Variants in R3HCC1L observed in about 807,000 individuals in gnomAD.
R3HCC1L encodes the protein coiled-coil domain-containing protein R3HCC1L.
In R3HCC1L, 51 loss-of-function variants were observed where a neutral mutation model predicts 59.9. That is an observed-to-expected ratio of 0.85 (90% CI 0.68 to 1.07). R3HCC1L has a LOEUF of 1.07. Ranked by LOEUF, R3HCC1L falls within the 50% of genes least tolerant of loss-of-function variation. R3HCC1L has a pLI of 0.00. For synonymous variants in R3HCC1L, 322 were observed against 315.2 expected (o/e 1.02, Z -0.23); for missense variants, 965 against 933.0 (o/e 1.03, Z -0.45).
rs1486139724 is a variant in R3HCC1L, at chr10:98,209,783, A to G, written c.1669A>G (p.Ile557Val). Residue 557 changes from isoleucine (I) to valine (V), a missense_variant, in exon 5 of 10, where the codon ATC becomes GTC. Physicochemically the swap from Ile to Val is conservative, Grantham distance 29. Transcript: ENST00000298999. ...GGAATCATCATCTATGGAAACATCC[A>G]TCGAACCAAAAGCAACTGAAACTTC... ...DRESSSMETS[I>V]EPKATETSHT... 4.3e-6 allele frequency: 7 copies of G among 1,613,808 alleles called. No homozygotes were observed. The highest frequency in any genetic ancestry group is 1.7e-5 in the Admixed American group (1 of 59,986).
rs552765019 is a variant in R3HCC1L at position 98,174,621 on chromosome 10, A to G, written c.-15+11224A>G. ...CACAACTCATTTAGGAGGGCGTTAGACATTATCAAGGAGGGCATTTCAGAA... is the reference window on the plus strand; with the variant it reads ...CACAACTCATTTAGGAGGGCGTTAGGCATTATCAAGGAGGGCATTTCAGAA... On this transcript the variant is annotated intron_variant, in intron 4 of 9. Coordinates refer to ENST00000298999, the MANE Select transcript of R3HCC1L (RefSeq NM_001351015.2). The G allele has an allele frequency of 2.5e-3, 2,476 of 985,374 alleles. 1 individual carries two copies. Among genetic ancestry groups the G allele is most frequent in the Non-Finnish European group, 2.8e-3 (2,325 of 829,862 alleles). 61.0% of individuals were successfully genotyped at this position (985,374 alleles called of 1,614,324 possible).
intron 5 of R3HCC1L, among the ~76,000 whole-genome samples, chr10:98,226,068 G>T (rs776693638): frequency 6.6e-6 from 1 of 152,030 alleles, no homozygotes; most frequent in Non-Finnish European, 1.5e-5. Context: ...GGCTGGTCTT[G>T]AACTCAAGCA....
intron 4 of R3HCC1L, among the ~76,000 whole-genome samples, chr10:98,182,792 G>GT (rs1379687337): frequency 6.6e-6 from 1 of 152,150 alleles, no homozygotes; most frequent in African/African-American, 2.4e-5. Context: ...GTTCGATCTT[G>GT]GACTGCTGTA....
At chr10:98,187,162 A>G (rs181711449) in intron 4 of R3HCC1L, among the ~76,000 whole-genome samples, 1 of 152,212 alleles carries the variant, frequency 6.6e-6, no homozygotes, top group Admixed American at 6.5e-5. Flanking sequence ...CAGATTGAGT[A>G]GCCCTTATCT....
At chr10:98,201,760 T>G (rs1323916126) in intron 4 of R3HCC1L, among the ~76,000 whole-genome samples, 1 of 152,256 alleles carries the variant, frequency 6.6e-6, no homozygotes, top group Non-Finnish European at 1.5e-5. Flanking sequence ...CTTTCTTTCC[T>G]TTGTTTTATA....
intron 5 of R3HCC1L, among the ~76,000 whole-genome samples, chr10:98,214,009 G>A (rs1249667531): frequency 6.6e-6 from 1 of 152,062 alleles, no homozygotes; most frequent in Non-Finnish European, 1.5e-5. Flanking sequence ...TAGATCTCTG[G>A]TCCAAACAGA....
intron 4 of R3HCC1L, among the ~76,000 whole-genome samples, chr10:98,167,799 A>G (rs4919179): frequency 0.32 from 48,736 of 152,090 alleles, 7,996 homozygotes; most frequent in East Asian, 0.48. Context: ...GGATAATAAT[A>G]GCTACCTCTT....
rs369451185 is a variant in R3HCC1L at position 98,209,561 on chromosome 10, T to C, written c.1447T>C (p.Tyr483His). ...LPIKKIAGSNYNTFLDSELSM... is the reference protein window; with the variant it reads ...LPIKKIAGSNHNTFLDSELSM... ...TATAAAAAAGATTGCTGGTAGTAAT[T>C]ATAACACTTTTTTGGACTCTGAACT... Residue 483 changes from tyrosine (Y) to histidine (H), a missense_variant, in exon 5 of 10, where the codon TAT becomes CAT. Tyr to His is a moderately conservative substitution (Grantham distance 83). Transcript: ENST00000298999. The C allele has an allele frequency of 1.9e-6, 3 of 1,613,944 alleles. No homozygotes were observed. Among genetic ancestry groups the C allele is most frequent in the Non-Finnish European group, 2.5e-6 (3 of 1,179,966 alleles).
intron 5 of R3HCC1L, among the ~76,000 whole-genome samples, chr10:98,227,576 GT>G (rs11289626): frequency 0.93 from 130,388 of 140,674 alleles, 60,985 homozygotes; most frequent in Middle Eastern, 0.99. Context: ...AGCAGTGTGT[GT>G]TTTTTTTTTT....
chr10:98,194,776 C>G, intron 4 of R3HCC1L, among the ~76,000 whole-genome samples: 1 of 145,270 alleles, frequency 6.9e-6, no homozygotes, highest in East Asian at 1.9e-4. Flanking sequence ...GATATTATCT[C>G]ACACCTAAGA....
chr10:98,156,555 A>G (rs950786071), intron 2 of R3HCC1L, among the ~76,000 whole-genome samples: 4 of 152,330 alleles, frequency 2.6e-5, no homozygotes, highest in East Asian at 1.9e-4. Flanking sequence ...AATGGGCACA[A>G]TGTCCTGGAA....
intron 1 of R3HCC1L, among the ~76,000 whole-genome samples, chr10:98,145,679 C>T (rs185059183): frequency 1.3e-3 from 192 of 152,266 alleles, no homozygotes; most frequent in Non-Finnish European, 4.1e-4. Context: ...TCGCTGGGCG[C>T]GGTGGCCCAC....
chr10:98,243,454 A>G (rs763695835), intron 9 of R3HCC1L, among the ~76,000 whole-genome samples: 14 of 152,352 alleles, frequency 9.2e-5, no homozygotes, highest in Non-Finnish European at 1.8e-4. Flanking sequence ...CCAAGCTTCT[A>G]TATTAAAAAT....
At chr10:98,226,635 G>A (rs1282348008) in intron 5 of R3HCC1L, among the ~76,000 whole-genome samples, 2 of 152,174 alleles carry the variant, frequency 1.3e-5, no homozygotes, top group African/African-American at 4.8e-5. Flanking sequence ...GAGGACTCAG[G>A]CTTTCTAGTA....
At chr10:98,176,880 GA>G (rs1418736744) in intron 4 of R3HCC1L, among the ~76,000 whole-genome samples, 1 of 151,900 alleles carries the variant, frequency 6.6e-6, no homozygotes, top group African/African-American at 2.4e-5. Flanking sequence ...TTATCAGGAT[GA>G]GGAAGTTCTC....
chr10:98,186,381 G>A lies in R3HCC1L; in HGVS notation c.-14-21720G>A, dbSNP rs1850223175. 3 of 512,020 alleles carry A rather than the reference G, an allele frequency of 5.9e-6. No homozygotes were observed. In the South Asian group the frequency reaches 2.5e-4, roughly 43 times the overall value. 31.7% of individuals were successfully genotyped at this position (512,020 alleles called of 1,614,324 possible). ...ACCTTGCTCTTTTGGAACAAAAATA[G>A]CATACAATTGATCTTCTCAAATAGC... is the stretch of plus-strand genomic sequence containing the variant. On this transcript the variant is annotated intron_variant, in intron 4 of 9. Transcript: ENST00000298999.
At chr10:98,211,640 G>T (rs569587800) in intron 5 of R3HCC1L, among the ~76,000 whole-genome samples, 24 of 152,272 alleles carry the variant, frequency 1.6e-4, no homozygotes, top group East Asian at 9.6e-4. Context: ...TCCAAAAGAA[G>T]AGCGTGGCTC....
At chr10:98,211,321 C>G (rs1853546265) in intron 5 of R3HCC1L, 1 of 1,528,832 alleles carries the variant, frequency 6.5e-7, no homozygotes, top group South Asian at 1.2e-5. Flanking sequence ...TTCTGATGCA[C>G]ATAAAGCCCG....
At chr10:98,202,858 GA>G (rs758550792) in intron 4 of R3HCC1L, among the ~76,000 whole-genome samples, 1,623 of 138,002 alleles carry the variant, frequency 0.012, 17 homozygotes, top group African/African-American at 0.03. Flanking sequence ...TCCGTCACAG[GA>G]AAAAAAAAAA....
Sources: gnomAD v4.1 joint callset for allele counts (sites outside exome capture counted in the v4.1 genomes callset) on GRCh38, gnomAD v4.1.1 for gene constraint, MANE v1.5 for transcripts, NCBI Gene and HGNC (gene_info 2026-07-23, HGNC 2026-07-21) for gene names.